Variants in GALNT2 observed in about 807,000 individuals in gnomAD.
GALNT2 encodes the protein polypeptide N-acetylgalactosaminyltransferase 2, also known as UDP-GalNAc:polypeptide N-acetylgalactosaminyltransferase 2.
GALNT2 carries 31 observed loss-of-function variants against 81.4 expected under a neutral mutation model. The observed-to-expected ratio is 0.38, with a 90% CI of 0.29 to 0.51. The LOEUF (loss-of-function observed/expected upper bound fraction) is 0.51, where lower values mean the gene tolerates loss of function less well. Among genes scored for constraint, GALNT2 ranks in the 20% least tolerant of loss-of-function variants. The pLI is 0.87. For missense variants in GALNT2, 629 were observed against 765.7 expected (o/e 0.82, Z 2.11); for synonymous variants, 303 against 287.4 (o/e 1.05, Z -0.55).
chr1:230,066,241 T>A (rs1228201595), upstream of GALNT2, among the ~76,000 whole-genome samples: 2 of 152,240 alleles, frequency 1.3e-5, no homozygotes, highest in Admixed American at 1.3e-4. Context: ...ATTTCTGTCT[T>A]TCTTAGGAAC....
intron 1 of GALNT2, among the ~76,000 whole-genome samples, chr1:230,061,709 T>TACCTTTCCCTCCC (rs1266414849): frequency 6.6e-6 from 1 of 152,190 alleles, no homozygotes; most frequent in African/African-American, 2.4e-5. Context: ...CTATCCCTTC[T>TACCTTTCCCTCCC]ACCTTTCCCT....
rs142736956 is a variant in GALNT2 at position 230,246,149 on chromosome 1, C to T, written c.816C>T (p.Gly272=). The change falls in exon 8 of 16, where the codon GGC becomes GGT. Residue 272 remains glycine, a splice_region_variant and synonymous_variant. Coordinates refer to ENST00000366672, the MANE Select transcript of GALNT2 (RefSeq NM_004481.5). ...TGGGGGCATCTGCTGACTTGAAGGG[C>T]GGTAGGTGTCTGTCATGGTGCCCCT... ...QYVGASADLK[G]GFDWNLVFKW... 2.7e-4 allele frequency: 443 copies of T among 1,612,146 alleles called. 1 individual carries two copies. Among genetic ancestry groups the T allele is most frequent in the Admixed American group, 4.5e-4 (27 of 59,990 alleles).
rs1043897 is a variant in GALNT2, at chr1:230,280,653, G to T, written c.*1195G>T. 0.49 allele frequency: 75,133 copies of T among 152,266 alleles called. 19,725 individuals are homozygous for T. The highest frequency in any genetic ancestry group is 0.86 in the East Asian group (4,377 of 5,102). 9.4% of individuals were successfully genotyped at this position (152,266 alleles called of 1,614,324 possible). A position where few individuals can be genotyped will look rare whatever the true frequency, so the allele number is the denominator to read the frequency against. ...GGGCACAGGCCTGGCTCACAGTCCT[G>T]CACACCTGCTGGCCTGGGGAGCTCC... On this transcript the variant is annotated 3_prime_UTR_variant, in exon 16 of 16. Coordinates refer to ENST00000366672, the MANE Select transcript of GALNT2 (RefSeq NM_004481.5).
At chr1:230,262,547 C>T (rs1572152093) in intron 11 of GALNT2, 26 bp from the exon 12 acceptor site, 5 of 1,580,298 alleles carry the variant, frequency 3.2e-6, no homozygotes, top group South Asian at 1.1e-5. Context: ...AAGGAAATCA[C>T]ACCTCAAGAT....
intron 1 of GALNT2, among the ~76,000 whole-genome samples, chr1:230,123,209 T>C (rs1326559161): frequency 6.6e-6 from 1 of 152,236 alleles, no homozygotes; most frequent in Non-Finnish European, 1.5e-5. Context: ...ACTGTGAGTT[T>C]CTGACCAAGA....
intron 1 of GALNT2, among the ~76,000 whole-genome samples, chr1:230,168,305 C>T (rs11122454): frequency 0.46 from 69,294 of 152,124 alleles, 18,870 homozygotes; most frequent in Non-Finnish European, 0.61. Context: ...TAAACTCTTA[C>T]TTAGACCTAG....
chr1:230,169,009 G>A (rs1662704271), intron 1 of GALNT2, among the ~76,000 whole-genome samples: 1 of 152,124 alleles, frequency 6.6e-6, no homozygotes, highest in Admixed American at 6.5e-5. Flanking sequence ...GTTTTGAGGA[G>A]GCTTGGTCAG....
At chr1:230,236,531 A>T in intron 5 of GALNT2, 111 bp downstream of exon 5, 1 of 1,415,930 alleles carries the variant, frequency 7.1e-7, no homozygotes, top group Non-Finnish European at 9.9e-7. Context: ...AGATCCACAG[A>T]AAGAAGAGGT....
intron 1 of GALNT2, among the ~76,000 whole-genome samples, chr1:230,120,558 G>A (rs762683589): frequency 3.9e-5 from 6 of 152,034 alleles, no homozygotes; most frequent in Non-Finnish European, 7.4e-5. Flanking sequence ...CTCCAGTGTC[G>A]CCTGTGCCAG....
At chr1:230,147,221 T>G (rs1661948184) in intron 1 of GALNT2, among the ~76,000 whole-genome samples, 1 of 152,238 alleles carries the variant, frequency 6.6e-6, no homozygotes, top group Non-Finnish European at 1.5e-5. Flanking sequence ...TTGGAGGAAT[T>G]ACCTTTGTGT....
intron 3 of GALNT2, among the ~76,000 whole-genome samples, chr1:230,205,208 T>A (rs974123782): frequency 1.3e-5 from 2 of 152,230 alleles, no homozygotes; most frequent in Non-Finnish European, 2.9e-5. Context: ...TCTCTCTTAC[T>A]CTCAAGGACT....
intron 2 of GALNT2, among the ~76,000 whole-genome samples, chr1:230,185,814 C>T (rs1449571880): frequency 6.6e-6 from 1 of 152,228 alleles, no homozygotes. Flanking sequence ...GCCACACCCC[C>T]ATGACTGGGT....
At chr1:230,155,402 G>A (rs934195789) in intron 1 of GALNT2, among the ~76,000 whole-genome samples, 5 of 152,134 alleles carry the variant, frequency 3.3e-5, no homozygotes, top group Admixed American at 1.3e-4. Context: ...TCTTAATCCC[G>A]GTCATCATTT....
upstream of GALNT2, among the ~76,000 whole-genome samples, chr1:230,062,395 A>G (rs936586561): frequency 6.6e-6 from 1 of 152,232 alleles, no homozygotes; most frequent in East Asian, 1.9e-4. Context: ...TAAATTTACC[A>G]TCATAACCAT....
At chr1:230,140,582 TCCTC>T in intron 1 of GALNT2, among the ~76,000 whole-genome samples, 1 of 152,200 alleles carries the variant, frequency 6.6e-6, no homozygotes, top group Non-Finnish European at 1.5e-5. Context: ...ACTTCCCCCT[TCCTC>T]CAGCCTGTGC....
At chr1:230,132,741 A>G (rs1214845699) in intron 1 of GALNT2, among the ~76,000 whole-genome samples, 3 of 152,232 alleles carry the variant, frequency 2.0e-5, no homozygotes, top group Non-Finnish European at 4.4e-5. Flanking sequence ...TTTTGTTGCA[A>G]AATAAAGGAC....
At position 230,262,858 on chromosome 1, in the gene GALNT2, T is replaced by G. The variant is rs143105829; in HGVS notation, c.1230-64T>G. ...CTGTTCTCCTCAGCAGATTTTCAAGTTTGATGTAGAAAGCCCATCTATTCT... is the reference window on the plus strand; with the variant it reads ...CTGTTCTCCTCAGCAGATTTTCAAGGTTGATGTAGAAAGCCCATCTATTCT... On this transcript the variant is annotated intron_variant, in intron 12 of 15. Transcript: ENST00000366672. The G allele has an allele frequency of 1.0e-3, 1,561 of 1,516,994 alleles. 13 individuals are homozygous for G. The African/African-American group carries it at 0.019, about 19-fold the overall frequency. 94.0% of individuals were successfully genotyped at this position (1,516,994 alleles called of 1,614,324 possible).
chr1:230,186,892 C>T (rs1663353725), intron 2 of GALNT2, among the ~76,000 whole-genome samples: 1 of 152,184 alleles, frequency 6.6e-6, no homozygotes, highest in South Asian at 2.1e-4. Context: ...CTTACTAAAC[C>T]AACATACACA....
rs570892337 is a variant in GALNT2, at chr1:230,070,307, T to C, written c.126+2901T>C. On this transcript the variant is annotated intron_variant, in intron 1 of 15. Transcript: ENST00000366672. The surrounding 1 kb of genome is among the most constrained non-coding windows in gnomAD (Gnocchi z 4.7). ...ATGATTTGCACTTCAAGCGTGCCTTTCCTTTGAGCTTCTTAAATGCTTTAA... is the reference window on the plus strand; with the variant it reads ...ATGATTTGCACTTCAAGCGTGCCTTCCCTTTGAGCTTCTTAAATGCTTTAA... Among the ~76,000 whole-genome samples, 2 of 152,380 alleles carry C rather than the reference T, an allele frequency of 1.3e-5. No individual in the cohort carries two copies. Among genetic ancestry groups the C allele is most frequent in the East Asian group, 3.9e-4 (2 of 5,192 alleles).
Sources: allele counts gnomAD v4.1 joint callset (sites outside exome capture counted in the v4.1 genomes callset), GRCh38; gene constraint gnomAD v4.1.1; non-coding constraint Gnocchi (gnomAD v3.1); transcripts MANE v1.5; gene names NCBI Gene and HGNC (gene_info 2026-07-23, HGNC 2026-07-21).